LASP1: variants seen among roughly 807,000 people sequenced by gnomAD.
LASP1 encodes the protein LIM and SH3 protein 1, also known as LIM and SH3 domain protein 1.
In LASP1, 10 loss-of-function variants were observed where a neutral mutation model predicts 38.6. The observed-to-expected ratio is 0.26, with a 90% CI of 0.16 to 0.44. The LOEUF (loss-of-function observed/expected upper bound fraction) is 0.44, where lower values mean the gene tolerates loss of function less well. Ranked by LOEUF, LASP1 falls within the 20% of genes least tolerant of loss-of-function variation. The pLI, the probability that LASP1 is intolerant of heterozygous loss-of-function variation, is 1.00. For missense variants in LASP1, 243 were observed against 375.7 expected (o/e 0.65, Z 2.92); for synonymous variants, 132 against 140.8 (o/e 0.94, Z 0.44).
chr17:38,878,725 A>C (rs574123052), intron 2 of LASP1, among the ~76,000 whole-genome samples: 1 of 152,116 alleles, frequency 6.6e-6, no homozygotes, highest in Non-Finnish European at 1.5e-5. Context: ...GCCTCATGCC[A>C]GCCCTTTTGG....
intron 1 of LASP1, among the ~76,000 whole-genome samples, chr17:38,871,678 G>A (rs970177946): frequency 6.6e-6 from 1 of 152,124 alleles, no homozygotes; most frequent in South Asian, 2.1e-4. Flanking sequence ...AGCGTGAGGA[G>A]GTGGGGTTGG....
At chr17:38,882,348 A>G (rs1255787590) in intron 2 of LASP1, among the ~76,000 whole-genome samples, 2 of 152,182 alleles carry the variant, frequency 1.3e-5, no homozygotes, top group Non-Finnish European at 2.9e-5. Flanking sequence ...CCCAGGTTCA[A>G]GCGATTCTCC....
chr17:38,891,960 G>T (rs1914339221), intron 3 of LASP1, among the ~76,000 whole-genome samples: 1 of 151,968 alleles, frequency 6.6e-6, no homozygotes, highest in South Asian at 2.1e-4. Flanking sequence ...ATGGTGGTGT[G>T]CACCTGTGGT....
intron 4 of LASP1, among the ~76,000 whole-genome samples, chr17:38,901,319 A>G (rs532102068): frequency 3.3e-5 from 5 of 152,334 alleles, no homozygotes; most frequent in African/African-American, 1.2e-4. Flanking sequence ...TCCGCATCTC[A>G]GGAGATAACC....
At chr17:38,903,619 G>GTGAGTGAACA (rs1914702931) in intron 4 of LASP1, 1 of 152,214 alleles carries the variant, frequency 6.6e-6, no homozygotes, top group Admixed American at 6.5e-5. Context: ...TTGAACTCCT[G>GTGAGTGAACA]GGTTTAAGTG....
chr17:38,897,986 G>A (rs907725829), intron 3 of LASP1, among the ~76,000 whole-genome samples: 7 of 152,214 alleles, frequency 4.6e-5, no homozygotes, highest in East Asian at 1.9e-4. Context: ...GGATGGGCAG[G>A]GAGTGAAGGG....
intron 4 of LASP1, among the ~76,000 whole-genome samples, chr17:38,913,409 G>A (rs2143824064): frequency 6.6e-6 from 1 of 152,322 alleles, no homozygotes; most frequent in South Asian, 2.1e-4. Context: ...ATCCTAGGCT[G>A]TAGTACCCAC....
intron 1 of LASP1, among the ~76,000 whole-genome samples, chr17:38,871,358 C>T (rs925911499): frequency 4.6e-5 from 7 of 151,950 alleles, no homozygotes. Context: ...GCATCCCCTC[C>T]CCAGTCTGGA....
In LASP1 at chr17:38,918,691, G is replaced by T; in HGVS notation, c.699G>T (p.Gln233His). 2 of 1,614,120 alleles carry T rather than the reference G, an allele frequency of 1.2e-6. No homozygotes were observed. Among genetic ancestry groups the T allele is most frequent in the Non-Finnish European group, 1.7e-6 (2 of 1,179,986 alleles). ...ACGGGGACACCATCGTCAACGTGCA[G>T]CAGATCGACGACGGCTGGATGTACG... ...FQDGDTIVNVQQIDDGWMYGT... is the reference protein window; with the variant it reads ...FQDGDTIVNVHQIDDGWMYGT... The change falls in exon 7 of 7, where the codon CAG (glutamine) becomes CAT (histidine). Residue 233 changes from glutamine (Q) to histidine (H), a missense_variant. Gln to His is a conservative substitution (Grantham distance 24). Transcript: ENST00000318008. This position sits in a 1 kb window ranked among gnomAD's most constrained non-coding sequence, Gnocchi z 4.4.
At chr17:38,916,279 G>A in intron 6 of LASP1, 1 of 152,594 alleles carries the variant, frequency 6.6e-6, no homozygotes, top group Non-Finnish European at 1.5e-5. Flanking sequence ...AAGACATTTG[G>A]CCGGGGGTGG....
At position 38,918,195 on chromosome 17, in the gene LASP1, T is replaced by C. The variant is rs1237015012; in HGVS notation, c.613-410T>C. Among the ~76,000 whole-genome samples the C allele has an allele frequency of 6.6e-6, 1 of 151,500 alleles. No homozygotes were observed. Among genetic ancestry groups the C allele is most frequent in the African/African-American group, 2.4e-5 (1 of 41,208 alleles). On this transcript the variant is annotated intron_variant, in intron 6 of 6. Coordinates refer to ENST00000318008, the MANE Select transcript of LASP1 (RefSeq NM_006148.4). The surrounding 1 kb of genome is among the most constrained non-coding windows in gnomAD (Gnocchi z 4.4). ...GGTCTTACTGTGTTTCCCAGGCTGA[T>C]TTCAAACTTCTGGGCTCAAGCAGTT...
intron 2 of LASP1, chr17:38,890,133 C>T (rs1457653076): frequency 2.6e-6 from 1 of 384,430 alleles, no homozygotes; most frequent in East Asian, 4.6e-5. Flanking sequence ...AACCTTCAAC[C>T]CTCAGAGAGT....
chr17:38,912,132 T>C (rs1439129283), intron 4 of LASP1, among the ~76,000 whole-genome samples: 1 of 152,178 alleles, frequency 6.6e-6, no homozygotes, highest in Non-Finnish European at 1.5e-5. Context: ...TCTTGCTGCC[T>C]CAAGAACTAC....
At chr17:38,890,394 C>G (rs764336122) in intron 2 of LASP1, 26 bp from the exon 3 acceptor site, 5 of 1,600,308 alleles carry the variant, frequency 3.1e-6, no homozygotes, top group Non-Finnish European at 3.4e-6. Context: ...CAGAGTCACC[C>G]CCACTCTGTT....
At position 38,912,710 on chromosome 17, in the gene LASP1, A is replaced by G. The variant is rs771124181; in HGVS notation, c.358-1615A>G. ...GGGAGGTGGAGGAAGCCTGGGGCCA[A>G]TCAGGATCTGGATCTAGCAGGGAAC... On this transcript the variant is annotated intron_variant, in intron 4 of 6. Transcript: ENST00000318008. 2.6e-5 allele frequency among the ~76,000 whole-genome samples: 4 copies of G among 152,248 alleles called. No individual in the cohort carries two copies. The East Asian group carries it at 7.7e-4, about 29-fold the overall frequency.
At chr17:38,904,753 C>T (rs1159308158) in intron 4 of LASP1, among the ~76,000 whole-genome samples, 4 of 152,172 alleles carry the variant, frequency 2.6e-5, no homozygotes, top group Non-Finnish European at 5.9e-5. Flanking sequence ...TGCTTTGCAT[C>T]TCAGTTGGCC....
At chr17:38,917,933 G>T (rs1915179436) in intron 6 of LASP1, among the ~76,000 whole-genome samples, 1 of 152,070 alleles carries the variant, frequency 6.6e-6, no homozygotes, top group Non-Finnish European at 1.5e-5. Flanking sequence ...GAGACCAGGA[G>T]TTTGAGACCA....
chr17:38,881,697 G>C (rs1029426093), intron 2 of LASP1, among the ~76,000 whole-genome samples: 1 of 152,182 alleles, frequency 6.6e-6, no homozygotes, highest in Non-Finnish European at 1.5e-5. Context: ...TGCAGGACCC[G>C]TAGGGGCACG....
At chr17:38,914,002 GAAAAAAA>G (rs34463489) in intron 4 of LASP1, among the ~76,000 whole-genome samples, 1 of 119,626 alleles carries the variant, frequency 8.4e-6, no homozygotes, top group Non-Finnish European at 1.8e-5. Context: ...ACTCCGTCTC[GAAAAAAA>G]AAAAAAAAGA....
Sources: gnomAD v4.1 joint callset for allele counts (sites outside exome capture counted in the v4.1 genomes callset) on GRCh38, gnomAD v4.1.1 for gene constraint, Gnocchi (gnomAD v3.1) non-coding constraint, MANE v1.5 for transcripts, NCBI Gene and HGNC (gene_info 2026-07-23, HGNC 2026-07-21) for gene names.